The following HHLA2 variants were observed in gnomAD, a reference collection of about 807,000 sequenced individuals.
HHLA2 encodes the protein HHLA2 member of B7 family.
HHLA2 carries 48 observed loss-of-function variants against 45.9 expected under a neutral mutation model. The ratio of observed to expected loss-of-function variants is 1.05; its 90% confidence interval spans 0.83 to 1.33. The LOEUF is 1.33. Among genes scored for constraint, HHLA2 ranks in the 40% most tolerant of loss-of-function variants. The pLI, the probability that HHLA2 is intolerant of heterozygous loss-of-function variation, is 0.00. For missense variants in HHLA2, 462 were observed against 494.3 expected, an observed-to-expected ratio of 0.93 and a Z score of 0.62; for synonymous variants, 161 against 173.9, an observed-to-expected ratio of 0.93 and a Z score of 0.59.
At chr3:108,366,864 CTTCTTT>C (rs1034933462) in intron 8 of HHLA2, among the ~76,000 whole-genome samples, 17 of 152,042 alleles carry the variant, frequency 1.1e-4, no homozygotes, top group African/African-American at 3.9e-4. Context: ...TCTTTCTTTT[CTTCTTT>C]ATTAGTCTGG....
intron 6 of HHLA2, among the ~76,000 whole-genome samples, chr3:108,357,310 G>C (rs1230631190): frequency 6.6e-6 from 1 of 152,128 alleles, no homozygotes; most frequent in African/African-American, 2.4e-5. Context: ...AAATTCAGCA[G>C]TCTCTCTTTA....
chr3:108,373,572 G>C (rs1412030808), intron 8 of HHLA2, among the ~76,000 whole-genome samples: 1 of 152,190 alleles, frequency 6.6e-6, no homozygotes, highest in Non-Finnish European at 1.5e-5. Context: ...GGTATATCTA[G>C]AAAACCTCAT....
intron 2 of HHLA2, among the ~76,000 whole-genome samples, chr3:108,315,197 A>C (rs543110163): frequency 6.6e-6 from 1 of 152,242 alleles, no homozygotes; most frequent in East Asian, 1.9e-4. Context: ...CCCTTAGAAG[A>C]GCCTTAAGTT....
chr3:108,328,526 A>C (rs1165392648), intron 3 of HHLA2, among the ~76,000 whole-genome samples: 1 of 152,124 alleles, frequency 6.6e-6, no homozygotes, highest in African/African-American at 2.4e-5. Flanking sequence ...ACTGAGGCAA[A>C]AAGGAGTTAG....
At chr3:108,364,829 T>C (rs1304094263) in intron 8 of HHLA2, among the ~76,000 whole-genome samples, 1 of 152,232 alleles carries the variant, frequency 6.6e-6, no homozygotes, top group Non-Finnish European at 1.5e-5. Context: ...CTTCACCCAC[T>C]TTTTGATGGG....
intron 8 of HHLA2, among the ~76,000 whole-genome samples, chr3:108,369,651 C>T (rs2082131310): frequency 6.6e-6 from 1 of 152,220 alleles, no homozygotes; most frequent in African/African-American, 2.4e-5. Flanking sequence ...ACAAATGGCA[C>T]ACCAGGAGAT....
At position 108,329,195 on chromosome 3, in the gene HHLA2, G is replaced by A. The variant is rs2081342743; in HGVS notation, c.-27+848G>A. 2.0e-5 allele frequency among the ~76,000 whole-genome samples: 3 copies of A among 152,240 alleles called. No homozygotes were observed. In the South Asian group the frequency reaches 6.2e-4, roughly 32 times the overall value. ...ACTTCCCTGTAAGAAAGTGCCACAG[G>A]AGCTTTCTTAGAAGTACAAGTAAAC... On this transcript the variant is annotated intron_variant, in intron 3 of 10. Coordinates refer to ENST00000619531, the Ensembl canonical transcript of HHLA2.
chr3:108,374,374 C>G (rs1440941046), intron 8 of HHLA2, among the ~76,000 whole-genome samples: 1 of 151,478 alleles, frequency 6.6e-6, no homozygotes, highest in Non-Finnish European at 1.5e-5. Context: ...ACCGTAAAAA[C>G]CCTAGAAGAA....
At chr3:108,319,849 G>T (rs1329861879) in intron 2 of HHLA2, among the ~76,000 whole-genome samples, 3 of 152,212 alleles carry the variant, frequency 2.0e-5, no homozygotes, top group African/African-American at 7.2e-5. Flanking sequence ...CAGATTTGTG[G>T]AGTGCTTGCT....
intron 1 of HHLA2, among the ~76,000 whole-genome samples, chr3:108,305,248 T>C (rs1442820019): frequency 6.6e-6 from 1 of 152,204 alleles, no homozygotes; most frequent in East Asian, 1.9e-4. Flanking sequence ...CTCAGGGCTG[T>C]GAGAGAGAAG....
At chr3:108,358,715 A>G (rs1319475978) in intron 7 of HHLA2, among the ~76,000 whole-genome samples, 1 of 152,208 alleles carries the variant, frequency 6.6e-6, no homozygotes, top group Non-Finnish European at 1.5e-5. Context: ...CAAGTCATGG[A>G]ATATATACTC....
At chr3:108,322,184 A>C (rs1042696520) in intron 2 of HHLA2, among the ~76,000 whole-genome samples, 1 of 152,210 alleles carries the variant, frequency 6.6e-6, no homozygotes, top group Admixed American at 6.5e-5. Flanking sequence ...GGAGGCTCTA[A>C]GAGCTCGGAC....
intron 5 of HHLA2, 140 bp downstream of exon 4, chr3:108,353,920 G>A (rs955903703): frequency 7.8e-5 from 50 of 640,232 alleles, no homozygotes; most frequent in African/African-American, 7.7e-4. Flanking sequence ...ACAGCAACTT[G>A]TAGTATACTA....
intron 3 of HHLA2, among the ~76,000 whole-genome samples, chr3:108,338,542 C>T (rs1223663215): frequency 1.3e-5 from 2 of 152,146 alleles, no homozygotes; most frequent in Non-Finnish European, 2.9e-5. Context: ...CGCTTCTCAT[C>T]ATTGATTGAT....
chr3:108,364,942 A>C (rs2082039767), intron 8 of HHLA2, among the ~76,000 whole-genome samples: 1 of 152,134 alleles, frequency 6.6e-6, no homozygotes, highest in Admixed American at 6.5e-5. Context: ...CCCATTCTGT[A>C]GGTTGCCTGC....
chr3:108,370,164 G>C (rs1408486708), intron 8 of HHLA2, among the ~76,000 whole-genome samples: 1 of 152,208 alleles, frequency 6.6e-6, no homozygotes, highest in Admixed American at 6.5e-5. Context: ...AGTATCCGCT[G>C]TTCTGCAGCC....
At chr3:108,344,378 A>G (rs970310118) in intron 3 of HHLA2, among the ~76,000 whole-genome samples, 1 of 152,198 alleles carries the variant, frequency 6.6e-6, no homozygotes, top group African/African-American at 2.4e-5. Flanking sequence ...ACCTAATACA[A>G]TAACTGATTT....
intron 1 of HHLA2, among the ~76,000 whole-genome samples, chr3:108,299,874 A>T (rs2080822255): frequency 6.6e-6 from 1 of 152,220 alleles, no homozygotes. Context: ...AGTGAGATAC[A>T]GAATCCCTAA....
At chr3:108,336,492 A>T (rs965925282) in intron 3 of HHLA2, among the ~76,000 whole-genome samples, 1 of 152,190 alleles carries the variant, frequency 6.6e-6, no homozygotes, top group African/African-American at 2.4e-5. Context: ...GAATGCTTTC[A>T]TCATGTAATA....
Sources: gnomAD v4.1 joint callset for allele counts (sites outside exome capture counted in the v4.1 genomes callset) on GRCh38, gnomAD v4.1.1 for gene constraint, MANE v1.5 for transcripts, NCBI Gene and HGNC (gene_info 2026-07-23, HGNC 2026-07-21) for gene names.